The following PHLPP1 variants were observed in gnomAD, a reference collection of about 807,000 sequenced individuals.
PHLPP1 encodes PH domain leucine-rich repeat-containing protein phosphatase 1.
A neutral mutation model predicts 117.2 loss-of-function variants in PHLPP1; 42 were observed. That is an observed-to-expected ratio of 0.36 (90% CI 0.28 to 0.46). The LOEUF is 0.46. PHLPP1 is among the 20% of genes least tolerant of loss of function. The pLI is 1.00. For missense variants in PHLPP1, 2,084 were observed against 2,241.9 expected (o/e 0.93, Z 1.42); for synonymous variants, 1,042 against 970.7 (o/e 1.07, Z -1.37).
intron 1 of PHLPP1, chr18:62,826,218 A>G (rs1914609398): frequency 2.5e-6 from 1 of 406,454 alleles, no homozygotes; most frequent in South Asian, 1.8e-5. Context: ...TTTATATGAC[A>G]TGAAAAGATT....
intron 2 of PHLPP1, among the ~76,000 whole-genome samples, chr18:62,833,140 C>A (rs1485160519): frequency 6.6e-6 from 1 of 152,114 alleles, no homozygotes; most frequent in African/African-American, 2.4e-5. Flanking sequence ...GTGGTGCGAT[C>A]TTGGGTCACT....
chr18:62,880,618 GT>G (rs1447463916), intron 4 of PHLPP1, among the ~76,000 whole-genome samples: 2 of 151,450 alleles, frequency 1.3e-5, no homozygotes. Flanking sequence ...GGGCAGATAT[GT>G]TGGTGAGAAA....
At chr18:62,936,638 T>C (rs1292196531) in intron 10 of PHLPP1, among the ~76,000 whole-genome samples, 1 of 152,244 alleles carries the variant, frequency 6.6e-6, no homozygotes. Context: ...TGTGATGCCC[T>C]GAGAAGGGCA....
intron 3 of PHLPP1, among the ~76,000 whole-genome samples, chr18:62,841,558 T>C (rs1388142427): frequency 1.1e-4 from 17 of 151,828 alleles, no homozygotes; most frequent in Admixed American, 1.1e-3. Context: ...AGTGTCCAAC[T>C]CCTGACCTCA....
intron 10 of PHLPP1, among the ~76,000 whole-genome samples, chr18:62,937,274 G>C (rs563094904): frequency 1.3e-5 from 2 of 152,202 alleles, no homozygotes; most frequent in African/African-American, 2.4e-5. Context: ...CTGTTGTTGC[G>C]GGTGACTTTC....
rs1910779189 is a variant in PHLPP1 at position 62,717,151 on chromosome 18, T to C, written c.1468T>C (p.Leu490=). 1 of 1,589,118 alleles carries C rather than the reference T, an allele frequency of 6.3e-7. No homozygotes were observed. Among genetic ancestry groups the C allele is most frequent in the Non-Finnish European group, 8.6e-7 (1 of 1,165,094 alleles). The part of the protein sequence containing the change: ...TRRLEAEEKP[L]QIQNDYLFQL... The stretch of plus-strand genomic sequence containing the variant: ...GCGCTTGGAGGCGGAGGAGAAGCCA[T>C]TGCAGATCCAAAATGACTACCTCTT... Residue 490 remains leucine (L), a synonymous_variant, in exon 1 of 17, where the codon TTG becomes CTG. Transcript: ENST00000262719.
chr18:62,920,535 T>C (rs1362295743), intron 10 of PHLPP1, among the ~76,000 whole-genome samples: 2 of 152,154 alleles, frequency 1.3e-5, no homozygotes, highest in African/African-American at 4.8e-5. Flanking sequence ...TTAGTTGTTA[T>C]TGTTTTTTGT....
chr18:62,739,594 C>T (rs781554859), intron 1 of PHLPP1, among the ~76,000 whole-genome samples: 1 of 151,990 alleles, frequency 6.6e-6, no homozygotes, highest in Non-Finnish European at 1.5e-5. Context: ...TATTTCTATC[C>T]TGAAGGGAGA....
chr18:62,739,291 G>C (rs948013236), intron 1 of PHLPP1, among the ~76,000 whole-genome samples: 1 of 152,220 alleles, frequency 6.6e-6, no homozygotes, highest in Non-Finnish European at 1.5e-5. Context: ...ATTCAGACAT[G>C]AAGGAGATAC....
intron 4 of PHLPP1, among the ~76,000 whole-genome samples, chr18:62,879,077 T>C (rs1379114724): frequency 6.6e-6 from 1 of 152,154 alleles, no homozygotes; most frequent in Non-Finnish European, 1.5e-5. Context: ...CAGAATCACC[T>C]GTAGTGTTTA....
intron 1 of PHLPP1, 127 bp downstream of exon 1, chr18:62,717,386 CT>C: frequency 7.9e-7 from 1 of 1,258,318 alleles, no homozygotes; most frequent in Non-Finnish European, 1.1e-6. Context: ...TTGTCTTAAA[CT>C]TTACAGCTTT....
intron 14 of PHLPP1, among the ~76,000 whole-genome samples, chr18:62,968,529 CTTTTTTTTTTTTTTTT>C (rs34849907): frequency 5.8e-5 from 3 of 51,776 alleles, no homozygotes; most frequent in Non-Finnish European, 1.1e-4. Context: ...CATTATTAGG[CTTTTTTTTTTTTTTTT>C]TTTTTTTTTT....
intron 1 of PHLPP1, among the ~76,000 whole-genome samples, chr18:62,760,632 G>GCT (rs1377751635): frequency 6.6e-6 from 1 of 152,174 alleles, no homozygotes; most frequent in Non-Finnish European, 1.5e-5. Context: ...TTGGTGCAAG[G>GCT]CTCTCTCTGT....
chr18:62,847,369 A>G (rs1158373468), intron 3 of PHLPP1, among the ~76,000 whole-genome samples: 1 of 152,142 alleles, frequency 6.6e-6, no homozygotes, highest in African/African-American at 2.4e-5. Flanking sequence ...ACCTCAGCAA[A>G]TGGAAACGTG....
intron 10 of PHLPP1, among the ~76,000 whole-genome samples, chr18:62,940,511 C>T (rs918969454): frequency 6.6e-6 from 1 of 151,686 alleles, no homozygotes; most frequent in South Asian, 2.1e-4. Flanking sequence ...ACTGCAGGCG[C>T]CCGCCACCAC....
chr18:62,735,652 C>T (rs1271601915), intron 1 of PHLPP1, among the ~76,000 whole-genome samples: 2 of 152,106 alleles, frequency 1.3e-5, no homozygotes, highest in African/African-American at 4.8e-5. Context: ...CAGATTACCC[C>T]AGGTAGCATC....
At chr18:62,946,639 T>G (rs1339312772) in intron 12 of PHLPP1, among the ~76,000 whole-genome samples, 2 of 151,724 alleles carry the variant, frequency 1.3e-5, no homozygotes, top group African/African-American at 4.8e-5. Flanking sequence ...GCCATTTTGT[T>G]TGTGTGTGTG....
intron 1 of PHLPP1, among the ~76,000 whole-genome samples, chr18:62,764,684 A>G (rs1912403320): frequency 6.6e-6 from 1 of 152,228 alleles, no homozygotes; most frequent in African/African-American, 2.4e-5. Context: ...AGTCACACTT[A>G]CGTCCTAGGG....
rs1344660103 is a variant in PHLPP1, at chr18:62,892,852, G to C, written c.2067-2159G>C. 2.7e-5 allele frequency among the ~76,000 whole-genome samples: 4 copies of C among 149,476 alleles called. No homozygotes were observed. In the East Asian group the frequency reaches 8.2e-4, roughly 31 times the overall value. ...GATCGCACCACTGCACTCCAGCCTG[G>C]GCGACAGAGCAAGACTCCATCTCAA... On this transcript the variant is annotated intron_variant, in intron 4 of 16. Transcript: ENST00000262719.
Sources: allele counts gnomAD v4.1 joint callset (sites outside exome capture counted in the v4.1 genomes callset), GRCh38; gene constraint gnomAD v4.1.1; transcripts MANE v1.5; gene names NCBI Gene and HGNC (gene_info 2026-07-23, HGNC 2026-07-21).